EYS: variants seen among roughly 807,000 people sequenced by gnomAD.
The protein encoded by EYS is protein eyes shut homolog.
Under a neutral mutation model 282.1 loss-of-function variants are expected in EYS, and 250 were observed. The ratio of observed to expected loss-of-function variants is 0.89; its 90% CI spans 0.80 to 0.98. The LOEUF (loss-of-function observed/expected upper bound fraction) is 0.98, where lower values mean the gene tolerates loss of function less well. Among genes scored for constraint, EYS ranks in the 50% least tolerant of loss-of-function variants. The pLI is 0.00. For missense variants in EYS, 4,016 were observed against 3,709.0 expected, an observed-to-expected ratio of 1.08 and a Z score of -2.15; for synonymous variants, 1,355 against 1,282.9, an observed-to-expected ratio of 1.06 and a Z score of -1.20.
At chr6:64,953,577 A>G (rs1382851498) in intron 14 of EYS, among the ~76,000 whole-genome samples, 1 of 151,878 alleles carries the variant, frequency 6.6e-6, no homozygotes, top group African/African-American at 2.4e-5. Flanking sequence ...ACTAATCTTT[A>G]TTTATAAAAA....
chr6:65,660,528 C>A (rs139665333), intron 1 of EYS, among the ~76,000 whole-genome samples: 1 of 151,560 alleles, frequency 6.6e-6, no homozygotes, highest in Admixed American at 6.6e-5. Flanking sequence ...AACAATTGAA[C>A]ATCTAAAGAC....
intron 2 of EYS, among the ~76,000 whole-genome samples, chr6:65,589,467 C>G (rs185252023): frequency 6.6e-6 from 1 of 152,114 alleles, no homozygotes; most frequent in East Asian, 1.9e-4. Context: ...CTCACACCCA[C>G]TTAAGTACAC....
At chr6:64,549,743 T>TC (rs1554176037) in intron 26 of EYS, among the ~76,000 whole-genome samples, 12 of 151,948 alleles carry the variant, frequency 7.9e-5, no homozygotes, top group South Asian at 2.1e-4. Flanking sequence ...CTTTTTTTTT[T>TC]TTTTTTTTAT....
chr6:64,654,535 G>T (rs1768678698), intron 22 of EYS, among the ~76,000 whole-genome samples: 2 of 152,132 alleles, frequency 1.3e-5, no homozygotes, highest in African/African-American at 4.8e-5. Context: ...TTCCGATTTG[G>T]CAGGATAAGT....
intron 31 of EYS, among the ~76,000 whole-genome samples, chr6:64,142,892 G>T (rs1230133047): frequency 6.6e-6 from 1 of 152,126 alleles, no homozygotes; most frequent in Non-Finnish European, 1.5e-5. Flanking sequence ...ACTGACTACC[G>T]TGTTTCTGAG....
intron 26 of EYS, among the ~76,000 whole-genome samples, chr6:64,482,137 C>G (rs901751496): frequency 1.3e-5 from 2 of 151,588 alleles, no homozygotes; most frequent in Non-Finnish European, 3.0e-5. Flanking sequence ...AGCTCTTACT[C>G]AATGAAACAA....
At chr6:65,641,374 A>G (rs1767269689) in intron 1 of EYS, among the ~76,000 whole-genome samples, 2 of 152,214 alleles carry the variant, frequency 1.3e-5, no homozygotes, top group African/African-American at 4.8e-5. Context: ...CCTGACACAG[A>G]TGTCTCCACT....
At chr6:64,191,126 T>C (rs964189561) in intron 31 of EYS, among the ~76,000 whole-genome samples, 11 of 152,116 alleles carry the variant, frequency 7.2e-5, no homozygotes, top group Admixed American at 5.9e-4. Context: ...TTGGTATATA[T>C]ATCTTCTTCC....
chr6:64,241,395 C>T (rs1011153743), intron 30 of EYS, among the ~76,000 whole-genome samples: 6 of 151,986 alleles, frequency 3.9e-5, no homozygotes, highest in African/African-American at 9.7e-5. Flanking sequence ...TGGTTGGTAG[C>T]TATTAATTTC....
At chr6:64,528,691 A>T (rs914905882) in intron 26 of EYS, among the ~76,000 whole-genome samples, 7 of 151,946 alleles carry the variant, frequency 4.6e-5, no homozygotes, top group African/African-American at 1.4e-4. Context: ...CAGCCACCTT[A>T]ATCAGCCCTC....
chr6:64,588,797 A>T lies in EYS; in HGVS notation c.5644+1426T>A, dbSNP rs1766309895. 2.0e-5 allele frequency among the ~76,000 whole-genome samples: 3 copies of T among 152,212 alleles called. No individual in the cohort carries two copies. The South Asian group carries it at 6.2e-4, about 32-fold the overall frequency. Reference sequence around the variant, plus strand: ...TGGATGAACATATTGGAAAATGTCAACAAATGCCTTGCAAATGATTTATTA... The same window carrying T: ...TGGATGAACATATTGGAAAATGTCATCAAATGCCTTGCAAATGATTTATTA... On this transcript the variant is annotated intron_variant, in intron 26 of 42. Coordinates refer to ENST00000503581, the MANE Select transcript of EYS (RefSeq NM_001142800.2).
intron 35 of EYS, among the ~76,000 whole-genome samples, chr6:63,918,609 C>T (rs1194564148): frequency 2.0e-5 from 3 of 152,042 alleles, no homozygotes; most frequent in Admixed American, 1.3e-4. Flanking sequence ...GTAAAGAGTC[C>T]AAGAAGATGA....
chr6:64,477,829 A>G (rs1434166576), intron 26 of EYS, among the ~76,000 whole-genome samples: 1 of 152,156 alleles, frequency 6.6e-6, no homozygotes, highest in Non-Finnish European at 1.5e-5. Context: ...TTTCAAAATT[A>G]AAGCAATGCA....
At chr6:65,650,076 A>T (rs1387795) in intron 1 of EYS, among the ~76,000 whole-genome samples, 124,061 of 152,126 alleles carry the variant, frequency 0.82, 50,701 homozygotes, top group East Asian at 0.85. Context: ...ATGGTTTACA[A>T]AACTTTCTGT....
chr6:63,859,075 GTTTTTTTTTTTTTTTTTT>G (rs745344580), intron 36 of EYS, among the ~76,000 whole-genome samples: 48 of 47,938 alleles, frequency 1.0e-3, no homozygotes, highest in Middle Eastern at 0.015. Flanking sequence ...GTCCTAGAGA[GTTTTTTTTTTTTTTTTTT>G]TTTTTTTTTT....
chr6:64,580,272 A>G (rs572379105), intron 26 of EYS, among the ~76,000 whole-genome samples: 2 of 152,278 alleles, frequency 1.3e-5, no homozygotes, highest in African/African-American at 2.4e-5. Flanking sequence ...AATACTGCTG[A>G]GGGAAGCTAA....
At chr6:64,167,489 A>G (rs1041374056) in intron 31 of EYS, among the ~76,000 whole-genome samples, 36 of 152,258 alleles carry the variant, frequency 2.4e-4, no homozygotes, top group Non-Finnish European at 4.7e-4. Flanking sequence ...TATTTATGGC[A>G]GACAGGTATA....
At chr6:64,491,713 A>C (rs1776745684) in intron 26 of EYS, among the ~76,000 whole-genome samples, 1 of 151,032 alleles carries the variant, frequency 6.6e-6, no homozygotes, top group Admixed American at 6.6e-5. Context: ...GAGATAACAC[A>C]TATAGTGTTT....
At chr6:63,991,546 C>G (rs927550607) in intron 34 of EYS, among the ~76,000 whole-genome samples, 4 of 151,432 alleles carry the variant, frequency 2.6e-5, no homozygotes, top group Non-Finnish European at 5.9e-5. Context: ...GAGCTGAAAA[C>G]TGTAATGCCT....
Sources: gnomAD v4.1 joint callset for allele counts (sites outside exome capture counted in the v4.1 genomes callset) on GRCh38, gnomAD v4.1.1 for gene constraint, MANE v1.5 for transcripts, NCBI Gene and HGNC (gene_info 2026-07-23, HGNC 2026-07-21) for gene names.